The following RPL28 variants were observed in gnomAD, a reference collection of about 807,000 sequenced individuals.
RPL28 encodes large ribosomal subunit protein eL28.
Under a neutral mutation model 12.5 loss-of-function variants are expected in RPL28, and 4 were observed. That is an observed-to-expected ratio of 0.32 (90% CI 0.16 to 0.73). The LOEUF (loss-of-function observed/expected upper bound fraction) is 0.73. RPL28 is among the 30% of genes least tolerant of loss of function. The probability of loss-of-function intolerance (pLI) is 0.66; values close to 1 mark genes in which losing one functional copy is unlikely to be tolerated. For synonymous variants in RPL28, 91 were observed against 72.5 expected (o/e 1.26, Z -1.30); for missense variants, 214 against 197.7 (o/e 1.08, Z -0.49).
chr19:55,395,538 G>A (rs1337793302), downstream of RPL28, among the ~76,000 whole-genome samples: 1 of 151,520 alleles, frequency 6.6e-6, no homozygotes, highest in Non-Finnish European at 1.5e-5. Flanking sequence ...CCGCCTCCCG[G>A]GTTCACGCCA....
At chr19:55,400,774 C>T (rs2090051303) in intron 4 of RPL28, 1 of 152,378 alleles carries the variant, frequency 6.6e-6, no homozygotes, top group Non-Finnish European at 1.5e-5. Flanking sequence ...TTTTAAGCCG[C>T]TGGCTTTGTG....
chr19:55,399,226 G>A (rs1400997449), intron 4 of RPL28, among the ~76,000 whole-genome samples: 3 of 152,110 alleles, frequency 2.0e-5, no homozygotes, highest in Non-Finnish European at 4.4e-5. Context: ...GAGTGCAGTG[G>A]CAGGATCTCA....
chr19:55,400,571 A>C (rs1321203511), intron 4 of RPL28: 1 of 152,274 alleles, frequency 6.6e-6, no homozygotes, highest in Non-Finnish European at 1.5e-5. Context: ...CCAGGGCCCA[A>C]GGAGGGGCAG....
downstream of RPL28, among the ~76,000 whole-genome samples, chr19:55,393,631 G>GTTTT (rs890657595): frequency 2.8e-4 from 32 of 114,612 alleles, no homozygotes; most frequent in African/African-American, 7.8e-4. Context: ...TCACCAATTT[G>GTTTT]TTTTTTTTTT....
At position 55,389,185 on chromosome 19, in the gene RPL28, G is replaced by A. The variant is rs954867213; in HGVS notation, c.*853G>A. 24 of 971,006 alleles carry A rather than the reference G, an allele frequency of 2.5e-5. No individual in the cohort carries two copies. Among genetic ancestry groups the A allele is most frequent in the South Asian group, 4.8e-5 (1 of 21,002 alleles). The allele number at this position is 971,006 out of a possible 1,614,324, so 60.1% of individuals were successfully genotyped here. ...ATCCTAGGCAACATAATGAGACACC[G>A]TCTCTAAAATAAAATTAGCTGGGTG... On this transcript the variant is annotated 3_prime_UTR_variant, in exon 5 of 5. Transcript: ENST00000344063.
downstream of RPL28, among the ~76,000 whole-genome samples, chr19:55,392,383 A>C (rs2089997026): frequency 6.6e-6 from 1 of 151,946 alleles, no homozygotes; most frequent in Non-Finnish European, 1.5e-5. Context: ...GGTGTGCAGC[A>C]CCACGCCTGG....
chr19:55,396,851 A>G (rs998932413), downstream of RPL28, among the ~76,000 whole-genome samples: 11 of 151,494 alleles, frequency 7.3e-5, no homozygotes, highest in South Asian at 2.1e-4. Flanking sequence ...AAGTGCTGGG[A>G]TTACAGGTGT....
At position 55,391,759 on chromosome 19, in the gene RPL28, A is replaced by G. The variant is rs537389243; in HGVS notation, c.*3427A>G. 2 of 1,480,758 alleles carry G rather than the reference A, an allele frequency of 1.4e-6. No homozygotes were observed. The highest frequency in any genetic ancestry group is 2.6e-5 in the East Asian group (1 of 39,170). 91.7% of individuals were successfully genotyped at this position (1,480,758 alleles called of 1,614,324 possible). On this transcript the variant is annotated 3_prime_UTR_variant, in exon 5 of 5. Transcript: ENST00000344063. ...TCCTGATTGTAGGAATAAATTAATG[A>G]CTTTTTATAAATATTTTGATCAGAT... is the stretch of plus-strand genomic sequence containing the variant.
Position 55,386,691 on chromosome 19 carries a change from C to T in RPL28, c.203C>T (p.Ser68Phe), listed in dbSNP as rs756869214. The change falls in exon 3 of 5, where the codon TCC (serine) becomes TTC (phenylalanine). Residue 68 changes from serine to phenylalanine, a missense_variant and splice_region_variant. By Grantham distance (155) the Ser-to-Phe change is radical. Transcript: ENST00000344063. ...KGVVVVIKRR[S>F]GQRKPATSYV... Reference sequence around the variant, plus strand: ...GTCGTGGTGGTCATTAAGCGGAGATCCGGTGAGTTTTGTCTGGTTTGGGCC... The same window carrying T: ...GTCGTGGTGGTCATTAAGCGGAGATTCGGTGAGTTTTGTCTGGTTTGGGCC... 1.2e-6 allele frequency: 2 copies of T among 1,614,154 alleles called. No homozygotes were observed. Among genetic ancestry groups the T allele is most frequent in the East Asian group, 2.2e-5 (1 of 44,882 alleles).
At chr19:55,395,697 C>T (rs1241940969), downstream of RPL28, among the ~76,000 whole-genome samples, 2 of 151,950 alleles carry the variant, frequency 1.3e-5, no homozygotes, top group African/African-American at 2.4e-5. Context: ...CCCACCTTGG[C>T]CTCCCAAAGT....
Position 55,391,641 on chromosome 19 carries a change from A to G in RPL28, c.*3309A>G. ...TTCCTCAACCTCTCTGTGTCTTCGT[A>G]CCCTCATCTGTAACATGCGTGTCGA... On this transcript the variant is annotated 3_prime_UTR_variant, in exon 5 of 5. Coordinates refer to ENST00000344063, the MANE Select transcript of RPL28 (RefSeq NM_000991.5). The G allele has an allele frequency of 1.3e-6, 2 of 1,545,486 alleles. No individual in the cohort carries two copies. The highest frequency in any genetic ancestry group is 1.8e-6 in the Non-Finnish European group (2 of 1,141,494).
downstream of RPL28, among the ~76,000 whole-genome samples, chr19:55,392,604 G>T (rs557883467): frequency 6.6e-6 from 1 of 151,632 alleles, no homozygotes; most frequent in East Asian, 1.9e-4. Flanking sequence ...GCGACCTCGG[G>T]TGAGCTACGC....
At chr19:55,396,442 G>A (rs1318773812), downstream of RPL28, among the ~76,000 whole-genome samples, 1 of 141,720 alleles carries the variant, frequency 7.1e-6, no homozygotes, top group Non-Finnish European at 1.5e-5. Context: ...AACCCTGGCT[G>A]GAGGTAAACA....
Position 55,386,416 on chromosome 19 carries a change from G to A in RPL28, c.59G>A (p.Arg20Lys), listed in dbSNP as rs899844949. 5.6e-6 allele frequency: 9 copies of A among 1,614,030 alleles called. No homozygotes were observed. The highest frequency in any genetic ancestry group is 5.3e-5 in the African/African-American group (4 of 74,936). ...VRNCSSFLIK[R>K]NKQTYSTEPN... ...AACTGCTCCAGTTTCCTGATCAAGA[G>A]GAATAAGCAGACCTACAGCACTGTA... is the stretch of plus-strand genomic sequence containing the variant. The change falls in exon 2 of 5, where the codon AGG becomes AAG. Residue 20 changes from arginine (R) to lysine (K), a missense_variant. Physicochemically the swap from Arg to Lys is conservative, Grantham distance 26. Transcript: ENST00000344063.
At chr19:55,387,319 C>G in intron 3 of RPL28, 1 of 1,551,732 alleles carries the variant, frequency 6.4e-7, no homozygotes, top group South Asian at 1.2e-5. Flanking sequence ...TTGGAACTGC[C>G]TCAGAGCCAA....
At chr19:55,403,226 T>TA (rs1450791439) in exon 5 of RPL28, 7 of 617,162 alleles carry the variant, frequency 1.1e-5, no homozygotes, top group African/African-American at 1.8e-5. Flanking sequence ...CTATCGCTAT[T>TA]AAAAAACCAC....
chr19:55,391,670 A>G lies in RPL28; in HGVS notation c.*3338A>G. The stretch of plus-strand genomic sequence containing the variant: ...TCATCTGTAACATGCGTGTCGATAG[A>G]CCCTACTACTCAGGGTTGATGAGAA... On this transcript the variant is annotated 3_prime_UTR_variant, in exon 5 of 5. Transcript: ENST00000344063. The G allele has an allele frequency of 6.5e-7, 1 of 1,545,770 alleles. No individual in the cohort carries two copies. The highest frequency in any genetic ancestry group is 8.8e-7 in the Non-Finnish European group (1 of 1,141,822).
rs2089986468 is a variant in RPL28 at position 55,391,142 on chromosome 19, C to T, written c.*2810C>T. ...CAGGCCCAGGCAGTGGGGACACATC[C>T]AGAGTGCTGAAAGAACCTCCCCCAG... On this transcript the variant is annotated 3_prime_UTR_variant, in exon 5 of 5. Transcript: ENST00000344063. 1 of 230,070 alleles carries T rather than the reference C, an allele frequency of 4.3e-6. No homozygotes were observed. The highest frequency in any genetic ancestry group is 7.3e-6 in the Non-Finnish European group (1 of 137,530). The allele number at this position is 230,070 out of a possible 1,614,324, so 14.3% of individuals were successfully genotyped here.
intron 4 of RPL28, chr19:55,401,504 C>T: frequency 6.2e-7 from 1 of 1,610,034 alleles, no homozygotes; most frequent in Non-Finnish European, 8.5e-7. Context: ...TCGCGCTCGC[C>T]AGCATGCTTC....
Sources: allele counts gnomAD v4.1 joint callset (sites outside exome capture counted in the v4.1 genomes callset), GRCh38; gene constraint gnomAD v4.1.1; transcripts MANE v1.5; gene names NCBI Gene and HGNC (gene_info 2026-07-23, HGNC 2026-07-21).